DLEC1: variants seen among roughly 807,000 people sequenced by gnomAD.
DLEC1 encodes DLEC1 cilia and flagella associated protein, also known as deleted in lung and esophageal cancer protein 1.
DLEC1 carries 146 observed loss-of-function variants against 198.1 expected under a neutral mutation model. The observed-to-expected ratio is 0.74, with a 90% confidence interval of 0.64 to 0.85. The LOEUF is 0.85. Ranked by LOEUF, DLEC1 falls within the 40% of genes least tolerant of loss-of-function variation. The pLI is 0.00. For missense variants in DLEC1, 2,233 were observed against 2,220.0 expected (o/e 1.01, Z -0.12); for synonymous variants, 897 against 866.8 (o/e 1.03, Z -0.61).
intron 10 of DLEC1, 23 bp from the exon 11 acceptor site, chr3:38,092,760 AGGTAACG>A: frequency 1.2e-6 from 2 of 1,602,112 alleles, no homozygotes; most frequent in Non-Finnish European, 1.7e-6. Context: ...CTTTAATGGG[AGGTAACG>A]GAACAACCCT....
At chr3:38,069,972 T>A (rs575693864) in intron 6 of DLEC1, among the ~76,000 whole-genome samples, 2 of 152,342 alleles carry the variant, frequency 1.3e-5, no homozygotes, top group South Asian at 4.1e-4. Context: ...TTATCTGTAA[T>A]GTTTTATTTC....
At chr3:38,064,795 G>C (rs1474619594) in intron 6 of DLEC1, among the ~76,000 whole-genome samples, 2 of 151,472 alleles carry the variant, frequency 1.3e-5, no homozygotes, top group African/African-American at 4.9e-5. Flanking sequence ...GCCGGGCAGA[G>C]ACGCTCCTCA....
chr3:38,048,125 C>T (rs990367666), intron 2 of DLEC1, among the ~76,000 whole-genome samples: 1 of 152,218 alleles, frequency 6.6e-6, no homozygotes, highest in African/African-American at 2.4e-5. Context: ...TTCCAGTTGA[C>T]TGCTGATTCA....
chr3:38,066,630 C>T (rs1272592845), intron 6 of DLEC1, among the ~76,000 whole-genome samples: 1 of 152,188 alleles, frequency 6.6e-6, no homozygotes, highest in Non-Finnish European at 1.5e-5. Flanking sequence ...CAGGTCAAGA[C>T]CAAGCTTAGC....
intron 3 of DLEC1, among the ~76,000 whole-genome samples, chr3:38,061,093 T>TG (rs1696657716): frequency 6.6e-6 from 1 of 152,250 alleles, no homozygotes; most frequent in Admixed American, 6.5e-5. Context: ...AAGAGATTTG[T>TG]GATGGTATCC....
chr3:38,116,936 G>C (rs977631223), intron 29 of DLEC1, 39 bp from the exon 30 acceptor site: 3 of 1,612,378 alleles, frequency 1.9e-6, no homozygotes, highest in African/African-American at 2.7e-5. Flanking sequence ...GCCGGCCAGT[G>C]GGCATGGGAC....
intron 2 of DLEC1, chr3:38,051,723 G>T: frequency 5.2e-6 from 1 of 193,262 alleles, no homozygotes. Flanking sequence ...ATGAACCAGG[G>T]TTTGGCTATT....
chr3:38,083,018 G>T (rs527791258), intron 6 of DLEC1, among the ~76,000 whole-genome samples: 1 of 152,146 alleles, frequency 6.6e-6, no homozygotes, highest in East Asian at 1.9e-4. Context: ...TAAGAGAAGG[G>T]AGAGATTGAA....
chr3:38,040,317 A>T (rs1355947272), intron 1 of DLEC1, among the ~76,000 whole-genome samples: 1 of 152,088 alleles, frequency 6.6e-6, no homozygotes, highest in Non-Finnish European at 1.5e-5. Context: ...TTCACTTAAC[A>T]CATTTGTTGA....
In DLEC1 at chr3:38,108,492, T is replaced by G. The variant is rs753785869; in HGVS notation, c.3106T>G (p.Leu1036Val). 1 of 1,614,004 alleles carries G rather than the reference T, an allele frequency of 6.2e-7. No individual in the cohort carries two copies. The highest frequency in any genetic ancestry group is 8.5e-7 in the Non-Finnish European group (1 of 1,179,970). Residue 1036 changes from leucine to valine, a missense_variant, in exon 21 of 37, where the codon TTG (leucine) becomes GTG (valine). Coordinates refer to ENST00000308059, the MANE Select transcript of DLEC1 (RefSeq NM_007335.4). ...CCCAAGTGAGGAGTGCCAGCTCAAG[T>G]TGGAGTTGACTGCTCATACCCAGGT... ...LGPSEECQLKLELTAHTQEEL... is the reference protein window; with the variant it reads ...LGPSEECQLKVELTAHTQEEL...
chr3:38,116,377 G>C (rs1349482280), intron 27 of DLEC1, 76 bp from the exon 28 acceptor site: 12 of 1,424,654 alleles, frequency 8.4e-6, no homozygotes, highest in Non-Finnish European at 5.8e-6. Context: ...CTGTCTGGGG[G>C]TATGAGGAGG....
At position 38,097,882 on chromosome 3, in the gene DLEC1, C is replaced by T. The variant is rs772287564; in HGVS notation, c.2704C>T (p.Leu902Phe). The change falls in exon 18 of 37, where the codon CTC (leucine) becomes TTC (phenylalanine). Residue 902 changes from leucine (L) to phenylalanine (F), a missense_variant. Coordinates refer to ENST00000308059, the MANE Select transcript of DLEC1 (RefSeq NM_007335.4). Reference sequence around the variant, plus strand: ...GCGCATGAAGGAGAGCCCAGTCTCCCTCCAGGAAAGGCCTGAGGATGTAAG... The same window carrying T: ...GCGCATGAAGGAGAGCCCAGTCTCCTTCCAGGAAAGGCCTGAGGATGTAAG... ...TWRMKESPVS[L>F]QERPEDVSPF... 1 of 1,614,256 alleles carries T rather than the reference C, an allele frequency of 6.2e-7. No individual in the cohort carries two copies. Among genetic ancestry groups the T allele is most frequent in the Non-Finnish European group, 8.5e-7 (1 of 1,180,054 alleles).
chr3:38,121,606 A>C, intron 34 of DLEC1, 22 bp from the exon 35 acceptor site: 1 of 1,609,106 alleles, frequency 6.2e-7, no homozygotes, highest in South Asian at 1.1e-5. Flanking sequence ...CAGAATGGAC[A>C]AGGTTGCCTG....
At position 38,109,539 on chromosome 3, in the gene DLEC1, C is replaced by A. The variant is rs369168399; in HGVS notation, c.3237C>A (p.Ile1079=). 1 of 1,614,092 alleles carries A rather than the reference C, an allele frequency of 6.2e-7. No individual in the cohort carries two copies. The highest frequency in any genetic ancestry group is 1.3e-5 in the African/African-American group (1 of 74,950). ...KPQGLQVAIT[I]SKESSDCSTE... is the part of the protein sequence containing the mutation. ...AGGGACTGCAAGTGGCCATTACCAT[C>A]TCTAAGGAGAGCTCTGATTGCAGGT... is the stretch of plus-strand genomic sequence containing the variant. The change falls in exon 22 of 37, where the codon ATC becomes ATA. Residue 1079 remains isoleucine (I), a synonymous_variant. Coordinates refer to ENST00000308059, the MANE Select transcript of DLEC1 (RefSeq NM_007335.4).
At chr3:38,060,138 G>A (rs1166024003) in intron 3 of DLEC1, among the ~76,000 whole-genome samples, 3 of 152,178 alleles carry the variant, frequency 2.0e-5, no homozygotes. Flanking sequence ...AGTTGCAGTT[G>A]AACCAAGAGA....
At chr3:38,092,722 A>T (rs543959189) in intron 10 of DLEC1, 68 bp from the exon 11 acceptor site, 418 of 1,305,286 alleles carry the variant, frequency 3.2e-4, no homozygotes, top group Non-Finnish European at 4.3e-4. Context: ...CGAGAGGAGG[A>T]GGGTGGGAGG....
At chr3:38,079,586 T>C (rs1017817461) in intron 6 of DLEC1, among the ~76,000 whole-genome samples, 1 of 152,154 alleles carries the variant, frequency 6.6e-6, no homozygotes, top group African/African-American at 2.4e-5. Flanking sequence ...TCAGAGAGCC[T>C]TGGGCCAGAG....
chr3:38,088,272 T>C (rs1698566528), intron 9 of DLEC1, 24 bp from the exon 10 acceptor site: 13 of 1,603,686 alleles, frequency 8.1e-6, no homozygotes, highest in Non-Finnish European at 1.1e-5. Flanking sequence ...TTCCACACTG[T>C]TGGGTAATCT....
At chr3:38,041,779 C>T (rs1456107113) in intron 1 of DLEC1, among the ~76,000 whole-genome samples, 2 of 138,814 alleles carry the variant, frequency 1.4e-5, no homozygotes, top group East Asian at 2.3e-4. Flanking sequence ...ACCCAGGAGG[C>T]GGAGGTTGCA....
Sources: allele counts gnomAD v4.1 joint callset (sites outside exome capture counted in the v4.1 genomes callset), GRCh38; gene constraint gnomAD v4.1.1; transcripts MANE v1.5; gene names NCBI Gene and HGNC (gene_info 2026-07-23, HGNC 2026-07-21).